RAB11FIP2: variants seen among roughly 807,000 people sequenced by gnomAD.
RAB11FIP2 encodes the protein RAB11 family interacting protein 2, also known as rab11 family-interacting protein 2.
In RAB11FIP2, 16 loss-of-function variants were observed where a neutral mutation model predicts 40.9. The ratio of observed to expected loss-of-function variants is 0.39; its 90% CI spans 0.26 to 0.59. RAB11FIP2 has a LOEUF of 0.59. Among genes scored for constraint, RAB11FIP2 ranks in the 20% least tolerant of loss-of-function variants. The pLI is 0.53. For missense variants in RAB11FIP2, 532 were observed against 606.2 expected, an observed-to-expected ratio of 0.88 and a Z score of 1.28; for synonymous variants, 228 against 213.7, an observed-to-expected ratio of 1.07 and a Z score of -0.58.
chr10:118,017,895 A>G (rs146429153), intron 3 of RAB11FIP2: 81 of 152,352 alleles, frequency 5.3e-4, no homozygotes, highest in African/African-American at 1.9e-3. Context: ...AACTAACCAT[A>G]TGTAGTAGCC....
chr10:118,032,192 A>G (rs1846422892), intron 3 of RAB11FIP2, among the ~76,000 whole-genome samples: 1 of 152,064 alleles, frequency 6.6e-6, no homozygotes, highest in Non-Finnish European at 1.5e-5. Flanking sequence ...CCTCCTTCAA[A>G]GAATACACAT....
At chr10:118,009,508 T>C (rs1846132261) in intron 4 of RAB11FIP2, among the ~76,000 whole-genome samples, 1 of 152,078 alleles carries the variant, frequency 6.6e-6, no homozygotes, top group Non-Finnish European at 1.5e-5. Context: ...TAAGATTACA[T>C]TAAGAGATGA....
In RAB11FIP2 at chr10:118,007,988, TTTGGGTTA is replaced by T. The variant is rs1846113555; in HGVS notation, c.*1002_*1009del. 2.0e-5 allele frequency: 3 copies of T among 152,538 alleles called. No homozygotes were observed. The South Asian group carries it at 6.2e-4, about 32-fold the overall frequency. The allele number at this position is 152,538 out of a possible 1,614,324, so 9.4% of individuals were successfully genotyped here. ...TTCATTCCTGGAATCTGCCCGCTGC[TTTGGGTTA>T]TCAGACACACCAGGCAATCACATAC... is the stretch of plus-strand genomic sequence containing the variant. On this transcript the variant is annotated 3_prime_UTR_variant, in exon 5 of 5. Coordinates refer to ENST00000355624, the MANE Select transcript of RAB11FIP2 (RefSeq NM_014904.3).
Position 118,046,347 on chromosome 10 carries a change from C to T in RAB11FIP2, c.-184G>A. On this transcript the variant is annotated 5_prime_UTR_variant, in exon 1 of 5. Transcript: ENST00000355624. ...CGGGGGCAGCCCAGGGGCACGGCCG[C>T]TCCGGGGGTCCCCTTTCGTCTGGAG... 1 of 596,186 alleles carries T rather than the reference C, an allele frequency of 1.7e-6. No homozygotes were observed. The highest frequency in any genetic ancestry group is 2.8e-5 in the East Asian group (1 of 35,930). The allele number at this position is 596,186 out of a possible 1,614,324, so 36.9% of individuals were successfully genotyped here.
chr10:118,022,113 C>T (rs895984772), intron 3 of RAB11FIP2, among the ~76,000 whole-genome samples: 5 of 152,192 alleles, frequency 3.3e-5, no homozygotes, highest in South Asian at 2.1e-4. Context: ...TCCTGCGCAC[C>T]GAAGGTGAAG....
intron 3 of RAB11FIP2, among the ~76,000 whole-genome samples, chr10:118,019,850 T>C (rs1185943188): frequency 6.7e-6 from 1 of 149,356 alleles, no homozygotes; most frequent in East Asian, 1.9e-4. Context: ...AAAAGAGACT[T>C]GGGGCTTCAC....
At chr10:118,038,299 AT>A (rs1250335103) in intron 3 of RAB11FIP2, among the ~76,000 whole-genome samples, 1 of 151,310 alleles carries the variant, frequency 6.6e-6, no homozygotes, top group Non-Finnish European at 1.5e-5. Context: ...TATAGATATA[AT>A]TTAGATATAC....
intron 1 of RAB11FIP2, among the ~76,000 whole-genome samples, chr10:118,042,332 C>A (rs758486990): frequency 6.6e-6 from 1 of 151,928 alleles, no homozygotes; most frequent in Non-Finnish European, 1.5e-5. Flanking sequence ...AGAGATAAGA[C>A]CAATAAATCA....
At chr10:118,037,309 CTT>C (rs754181366) in intron 3 of RAB11FIP2, among the ~76,000 whole-genome samples, 9 of 151,964 alleles carry the variant, frequency 5.9e-5, no homozygotes, top group African/African-American at 1.7e-4. Context: ...ACAGAATACT[CTT>C]TTAAACCATG....
intron 4 of RAB11FIP2, among the ~76,000 whole-genome samples, chr10:118,010,692 T>C (rs1284673895): frequency 6.6e-6 from 1 of 152,020 alleles, no homozygotes; most frequent in Non-Finnish European, 1.5e-5. Flanking sequence ...ACTGAAAAAC[T>C]TTTCCAATTT....
intron 1 of RAB11FIP2, among the ~76,000 whole-genome samples, chr10:118,041,754 A>G (rs1313855169): frequency 6.6e-6 from 1 of 152,164 alleles, no homozygotes; most frequent in African/African-American, 2.4e-5. Flanking sequence ...CTGGCACATG[A>G]TATAAATACC....
rs1458595188 is a variant in RAB11FIP2, at chr10:118,046,575, T to G, written c.-412A>C. The G allele has an allele frequency of 6.4e-6, 1 of 156,476 alleles. No individual in the cohort carries two copies. The highest frequency in any genetic ancestry group is 1.8e-4 in the East Asian group (1 of 5,500). 9.7% of individuals were successfully genotyped at this position (156,476 alleles called of 1,614,324 possible). On this transcript the variant is annotated 5_prime_UTR_variant, in exon 1 of 5. Coordinates refer to ENST00000355624, the MANE Select transcript of RAB11FIP2 (RefSeq NM_014904.3). ...CCTGCCTCCTTGCGGCCGAGCAGCC[T>G]CCGCTGCCTCCGCGCCTCCCGCCCG...
chr10:118,029,335 C>T (rs941324297), intron 3 of RAB11FIP2, among the ~76,000 whole-genome samples: 14 of 152,174 alleles, frequency 9.2e-5, no homozygotes, highest in African/African-American at 3.4e-4. Context: ...TCAACTCTCA[C>T]TAAAACAATT....
rs887591677 is a variant in RAB11FIP2, at chr10:118,045,889, A to G, written c.275T>C (p.Val92Ala). Residue 92 changes from valine (V) to alanine (A), a missense_variant, in exon 1 of 5, where the codon GTG (valine) becomes GCG (alanine). Transcript: ENST00000355624. ...CTGCCCTAAAAATTTATCCAGACCC[A>G]CCAGGGACCTGTGCATAACTATAAG... ...LFLIVMHRSL[V>A]GLDKFLGQVA... is the part of the protein sequence containing the mutation. 6.2e-7 allele frequency: 1 copy of G among 1,614,154 alleles called. No individual in the cohort carries two copies. The highest frequency in any genetic ancestry group is 1.3e-5 in the African/African-American group (1 of 75,022).
At chr10:118,040,661 T>C (rs1408770415) in intron 1 of RAB11FIP2, 96 bp from the exon 2 acceptor site, 5 of 835,478 alleles carry the variant, frequency 6.0e-6, no homozygotes, top group African/African-American at 1.7e-5. Context: ...AAAGTAACTA[T>C]ACATCAAGGC....
At chr10:118,015,022 C>G in intron 4 of RAB11FIP2, 43 bp downstream of exon 4, 1 of 1,517,664 alleles carries the variant, frequency 6.6e-7, no homozygotes, top group Non-Finnish European at 9.0e-7. Flanking sequence ...AGAAAAAGAC[C>G]AGCTTACTCT....
chr10:118,009,127 T>C lies in RAB11FIP2; in HGVS notation c.1410A>G (p.Lys470=), dbSNP rs1476788109. ...CCTCGAGTTCCCGGATGTGGGTGTC[T>C]TTCCTCCTAAGGAGTTCTTTGTGTT... ...LVKHKELLRR[K]DTHIRELEDY... Residue 470 remains lysine (K), a synonymous_variant, in exon 5 of 5, where the codon AAA becomes AAG. Coordinates refer to ENST00000355624, the MANE Select transcript of RAB11FIP2 (RefSeq NM_014904.3). The C allele has an allele frequency of 1.2e-6, 2 of 1,613,482 alleles. No homozygotes were observed. The highest frequency in any genetic ancestry group is 2.7e-5 in the African/African-American group (2 of 74,894).
intron 1 of RAB11FIP2, chr10:118,043,412 T>C (rs545757799): frequency 2.0e-5 from 3 of 152,196 alleles, no homozygotes; most frequent in African/African-American, 4.8e-5. Flanking sequence ...TTACTAAACA[T>C]TGTATTATTT....
intron 3 of RAB11FIP2, among the ~76,000 whole-genome samples, chr10:118,028,058 C>T (rs1427327513): frequency 6.6e-6 from 1 of 152,038 alleles, no homozygotes; most frequent in Non-Finnish European, 1.5e-5. Context: ...CTTACATATC[C>T]CTCTCCATAG....
Sources: allele counts gnomAD v4.1 joint callset (sites outside exome capture counted in the v4.1 genomes callset), GRCh38; gene constraint gnomAD v4.1.1; transcripts MANE v1.5; gene names NCBI Gene and HGNC (gene_info 2026-07-23, HGNC 2026-07-21).